The following TRAPPC9 variants were observed in gnomAD, a reference collection of about 807,000 sequenced individuals.
The protein encoded by TRAPPC9 is trafficking protein particle complex subunit 9, also known as IKK2 binding protein.
Under a neutral mutation model 124.0 loss-of-function variants are expected in TRAPPC9, and 83 were observed. That is an observed-to-expected ratio of 0.67 (90% CI 0.56 to 0.80). The LOEUF is 0.80. Ranked by LOEUF, TRAPPC9 falls within the 30% of genes least tolerant of loss-of-function variation. TRAPPC9 has a pLI of 0.00. For synonymous variants in TRAPPC9, 638 were observed against 617.5 expected, an observed-to-expected ratio of 1.03 and a Z score of -0.49; for missense variants, 1,302 against 1,508.3, an observed-to-expected ratio of 0.86 and a Z score of 2.27.
chr8:140,423,357 T>C (rs2070289150), intron 5 of TRAPPC9, among the ~76,000 whole-genome samples: 1 of 151,978 alleles, frequency 6.6e-6, no homozygotes, highest in Non-Finnish European at 1.5e-5. Flanking sequence ...GGAGAATCGC[T>C]TGAACCCAGG....
chr8:139,729,087 C>T lies in TRAPPC9; in HGVS notation c.*1974G>A, dbSNP rs1015578241. Among the ~76,000 whole-genome samples, 3 of 152,318 alleles carry T rather than the reference C, an allele frequency of 2.0e-5. No homozygotes were observed. The highest frequency in any genetic ancestry group is 3.9e-4 in the East Asian group (2 of 5,186). On this transcript the variant is annotated 3_prime_UTR_variant, in exon 23 of 23. Coordinates refer to ENST00000438773, the MANE Select transcript of TRAPPC9 (RefSeq NM_001160372.4). Reference sequence around the variant, plus strand: ...CTATTGTGCTTTTGAAAGGAAAGTACGTACTCAAGTCCCCGGTGACCAGCA... The same window carrying T: ...CTATTGTGCTTTTGAAAGGAAAGTATGTACTCAAGTCCCCGGTGACCAGCA...
chr8:140,197,716 A>G (rs1183157116), intron 17 of TRAPPC9, among the ~76,000 whole-genome samples: 2 of 152,168 alleles, frequency 1.3e-5, no homozygotes, highest in Non-Finnish European at 2.9e-5. Context: ...AAACAGCCAT[A>G]TCTCTTCAAA....
chr8:140,036,843 T>A (rs902688349), intron 17 of TRAPPC9, among the ~76,000 whole-genome samples: 1 of 152,070 alleles, frequency 6.6e-6, no homozygotes, highest in Non-Finnish European at 1.5e-5. Flanking sequence ...TTATTGTTAT[T>A]TTTTTTATTT....
intron 17 of TRAPPC9, among the ~76,000 whole-genome samples, chr8:140,139,961 T>C (rs915630932): frequency 6.6e-6 from 1 of 152,220 alleles, no homozygotes; most frequent in Non-Finnish European, 1.5e-5. Context: ...AAGTTCATTC[T>C]TAAACAAACA....
intron 20 of TRAPPC9, among the ~76,000 whole-genome samples, chr8:139,899,120 CAAAAAA>C (rs33927933): frequency 1.3e-4 from 6 of 45,468 alleles, no homozygotes; most frequent in East Asian, 7.7e-4. Context: ...AACTCCGTCT[CAAAAAA>C]AAAAAAAAAA....
chr8:140,184,067 T>A (rs1384901743), intron 17 of TRAPPC9, among the ~76,000 whole-genome samples: 1 of 151,696 alleles, frequency 6.6e-6, no homozygotes, highest in Non-Finnish European at 1.5e-5. Context: ...CCTGGAGAAC[T>A]GACTGCCAAT....
chr8:140,091,962 G>A (rs1009439442), intron 17 of TRAPPC9, among the ~76,000 whole-genome samples: 2 of 150,380 alleles, frequency 1.3e-5, no homozygotes, highest in East Asian at 2.0e-4. Context: ...GCGACCCTTC[G>A]ATTCAGCCGC....
chr8:139,778,045 C>T (rs1008809226), intron 21 of TRAPPC9, among the ~76,000 whole-genome samples: 5 of 151,982 alleles, frequency 3.3e-5, no homozygotes, highest in South Asian at 4.1e-4. Context: ...GGTTCCCTTA[C>T]GGATTCAGCA....
chr8:140,119,045 C>T (rs1010525811), intron 17 of TRAPPC9, among the ~76,000 whole-genome samples: 1 of 152,208 alleles, frequency 6.6e-6, no homozygotes, highest in South Asian at 2.1e-4. Context: ...AATGTCAGGC[C>T]AAGGCCATCT....
chr8:139,901,024 T>TA (rs1424075986), intron 20 of TRAPPC9, among the ~76,000 whole-genome samples: 11 of 148,652 alleles, frequency 7.4e-5, no homozygotes, highest in East Asian at 2.0e-4. Context: ...TAAATAAAAA[T>TA]AAAATAAAAG....
In TRAPPC9 at chr8:139,770,324, G is replaced by A. The variant is rs187120487; in HGVS notation, c.3056-38122C>T. Among the ~76,000 whole-genome samples the A allele has an allele frequency of 6.6e-5, 10 of 152,342 alleles. No homozygotes were observed. In the East Asian group the frequency reaches 7.7e-4, roughly 12 times the overall value. ...GAAGAAGCCCTGGCTCCCGGAAGCC[G>A]GTCCTCACCGTGGCTCCCCGCATTT... On this transcript the variant is annotated intron_variant, in intron 21 of 22. Coordinates refer to ENST00000438773, the MANE Select transcript of TRAPPC9 (RefSeq NM_001160372.4).
chr8:140,249,900 G>A (rs1423426926), intron 16 of TRAPPC9, among the ~76,000 whole-genome samples: 1 of 152,076 alleles, frequency 6.6e-6, no homozygotes. Context: ...GAGCCACCGT[G>A]CCTGGCCTGA....
intron 5 of TRAPPC9, among the ~76,000 whole-genome samples, chr8:140,409,824 T>C (rs1252707228): frequency 6.6e-6 from 1 of 151,698 alleles, no homozygotes; most frequent in Non-Finnish European, 1.5e-5. Context: ...GATATAAGGG[T>C]AGGGAAATGA....
intron 1 of TRAPPC9, among the ~76,000 whole-genome samples, chr8:140,457,104 G>C (rs906355155): frequency 6.6e-6 from 1 of 152,342 alleles, no homozygotes; most frequent in Admixed American, 6.5e-5. Context: ...GGAGGGAAAG[G>C]GCTAGGGGAG....
At chr8:140,362,502 T>C (rs1231403407) in intron 8 of TRAPPC9, among the ~76,000 whole-genome samples, 1 of 152,154 alleles carries the variant, frequency 6.6e-6, no homozygotes, top group African/African-American at 2.4e-5. Context: ...ATTGAAATCC[T>C]TGGAGCTGAC....
intron 9 of TRAPPC9, among the ~76,000 whole-genome samples, chr8:140,344,296 C>T (rs897216029): frequency 3.9e-5 from 6 of 152,214 alleles, no homozygotes; most frequent in African/African-American, 1.4e-4. Flanking sequence ...TATAAGCCAC[C>T]TAGTCTGCAG....
At chr8:140,180,563 T>G (rs2062177909) in intron 17 of TRAPPC9, among the ~76,000 whole-genome samples, 1 of 152,172 alleles carries the variant, frequency 6.6e-6, no homozygotes, top group Non-Finnish European at 1.5e-5. Flanking sequence ...CCTTAGAACC[T>G]CCTTTAAGCA....
chr8:140,438,954 T>G, intron 3 of TRAPPC9, 98 bp downstream of exon 3: 4 of 1,502,396 alleles, frequency 2.7e-6, no homozygotes, highest in Non-Finnish European at 3.7e-6. Flanking sequence ...CCTCCCAAAG[T>G]GCTGGGATTA....
At chr8:139,975,445 G>T (rs1030184066) in intron 19 of TRAPPC9, among the ~76,000 whole-genome samples, 1 of 152,174 alleles carries the variant, frequency 6.6e-6, no homozygotes, top group Non-Finnish European at 1.5e-5. Flanking sequence ...GCCTGGGTCC[G>T]CACTTTGAGA....
Sources: allele counts gnomAD v4.1 joint callset (sites outside exome capture counted in the v4.1 genomes callset), GRCh38; gene constraint gnomAD v4.1.1; transcripts MANE v1.5; gene names NCBI Gene and HGNC (gene_info 2026-07-23, HGNC 2026-07-21).